Variants in PPM1H observed in about 807,000 individuals in gnomAD.
PPM1H encodes the protein protein phosphatase 1H.
PPM1H carries 27 observed loss-of-function variants against 54.9 expected under a neutral mutation model. That is an observed-to-expected ratio of 0.49 (90% CI 0.36 to 0.68). The LOEUF (loss-of-function observed/expected upper bound fraction) is 0.68. Ranked by LOEUF, PPM1H falls within the 30% of genes least tolerant of loss-of-function variation. The pLI, the probability that PPM1H is intolerant of heterozygous loss-of-function variation, is 0.00. For missense variants in PPM1H, 596 were observed against 667.8 expected, an observed-to-expected ratio of 0.89 and a Z score of 1.19; for synonymous variants, 305 against 270.8, an observed-to-expected ratio of 1.13 and a Z score of -1.24.
At chr12:62,737,995 T>C (rs2076359816) in intron 4 of PPM1H, among the ~76,000 whole-genome samples, 1 of 152,224 alleles carries the variant, frequency 6.6e-6, no homozygotes, top group African/African-American at 2.4e-5. Context: ...CAGTCCAATA[T>C]GGCAGGCACT....
At chr12:62,713,858 A>G (rs2076221323) in intron 6 of PPM1H, among the ~76,000 whole-genome samples, 1 of 151,936 alleles carries the variant, frequency 6.6e-6, no homozygotes, top group Admixed American at 6.6e-5. Flanking sequence ...AGTACCAGCT[A>G]CTCAAGAGGC....
intron 1 of PPM1H, among the ~76,000 whole-genome samples, chr12:62,884,540 G>GA (rs148196052): frequency 0.038 from 5,483 of 144,300 alleles, 304 homozygotes; most frequent in African/African-American, 0.12. Context: ...AGAGAGAAAA[G>GA]AAAAAAAAGA....
At chr12:62,654,731 C>A (rs2075835061) in intron 9 of PPM1H, among the ~76,000 whole-genome samples, 1 of 152,200 alleles carries the variant, frequency 6.6e-6, no homozygotes, top group Non-Finnish European at 1.5e-5. Flanking sequence ...CCGCTGCTAA[C>A]CATATGAGGT....
chr12:62,840,047 G>GAGAC (rs1348560570), intron 1 of PPM1H: 1 of 137,022 alleles, frequency 7.3e-6, no homozygotes, highest in Non-Finnish European at 1.5e-5. Flanking sequence ...CCTCTCTAGA[G>GAGAC]AGACAGAGAG....
chr12:62,775,552 CT>C (rs2076605251), intron 4 of PPM1H, among the ~76,000 whole-genome samples: 1 of 152,262 alleles, frequency 6.6e-6, no homozygotes, highest in South Asian at 2.1e-4. Flanking sequence ...TACAAAATTA[CT>C]TACGCCTTGG....
At position 62,648,335 on chromosome 12, in the gene PPM1H, A is replaced by G. The variant is rs1263111219; in HGVS notation, c.*154T>C. 8 of 903,186 alleles carry G rather than the reference A, an allele frequency of 8.9e-6. No homozygotes were observed. The highest frequency in any genetic ancestry group is 1.3e-5 in the Non-Finnish European group (8 of 605,614). 55.9% of individuals were successfully genotyped at this position (903,186 alleles called of 1,614,324 possible). A position where few individuals can be genotyped will look rare whatever the true frequency, so the allele number is the denominator to read the frequency against. ...AAGAAGAAATGGAAACCAAAGGGTC[A>G]TCTTGAAGCATAGTCTTTTGGCCAT... On this transcript the variant is annotated 3_prime_UTR_variant, in exon 10 of 10. Transcript: ENST00000228705.
chr12:62,766,594 C>T (rs1347260783), intron 4 of PPM1H, among the ~76,000 whole-genome samples: 2 of 152,062 alleles, frequency 1.3e-5, no homozygotes, highest in African/African-American at 4.8e-5. Context: ...GCTCTCAGTC[C>T]CCAGGCTTTT....
intron 6 of PPM1H, among the ~76,000 whole-genome samples, 163 bp downstream of exon 6, chr12:62,720,008 T>C (rs1254700980): frequency 6.6e-6 from 1 of 152,234 alleles, no homozygotes; most frequent in Non-Finnish European, 1.5e-5. Context: ...GATTTGGTCC[T>C]AAGCAAACAT....
chr12:62,912,108 C>A (rs1871478753), intron 1 of PPM1H, among the ~76,000 whole-genome samples: 1 of 152,112 alleles, frequency 6.6e-6, no homozygotes, highest in South Asian at 2.1e-4. Context: ...TACTCTTGAG[C>A]CTACAACGCA....
chr12:62,684,274 C>CCAGT (rs2076039834), intron 8 of PPM1H, among the ~76,000 whole-genome samples: 2 of 152,164 alleles, frequency 1.3e-5, no homozygotes, highest in African/African-American at 4.8e-5. Context: ...GTGAGGGCCT[C>CCAGT]TCTTGGAATT....
intron 2 of PPM1H, among the ~76,000 whole-genome samples, chr12:62,825,724 G>A (rs902162067): frequency 3.9e-5 from 6 of 152,070 alleles, no homozygotes; most frequent in Admixed American, 1.3e-4. Flanking sequence ...CACACACAGG[G>A]GCCTGTCGCG....
intron 1 of PPM1H, among the ~76,000 whole-genome samples, chr12:62,920,782 T>G (rs1212199918): frequency 1.3e-5 from 2 of 152,182 alleles, no homozygotes; most frequent in Admixed American, 1.3e-4. Context: ...CTCCATCTTT[T>G]ATTTTTACTG....
chr12:62,924,214 G>T (rs201970439), intron 1 of PPM1H, among the ~76,000 whole-genome samples: 39 of 143,600 alleles, frequency 2.7e-4, no homozygotes, highest in South Asian at 1.1e-3. Flanking sequence ...GGCCCAGAGT[G>T]GGGGGGGCAG....
At chr12:62,726,361 T>A (rs382710) in intron 5 of PPM1H, among the ~76,000 whole-genome samples, 30 of 152,284 alleles carry the variant, frequency 2.0e-4, no homozygotes, top group African/African-American at 7.2e-4. Context: ...TGTACAGTCA[T>A]CAAAATATTT....
chr12:62,860,486 G>A (rs991857603), intron 1 of PPM1H, among the ~76,000 whole-genome samples: 1 of 152,068 alleles, frequency 6.6e-6, no homozygotes, highest in African/African-American at 2.4e-5. Context: ...CAGGCACAAA[G>A]CTCTATGTCA....
intron 1 of PPM1H, among the ~76,000 whole-genome samples, chr12:62,913,566 C>A (rs772568): frequency 6.6e-6 from 1 of 151,994 alleles, no homozygotes; most frequent in Admixed American, 6.5e-5. Context: ...CCTGGGGAAG[C>A]CTTCCTACAG....
intron 9 of PPM1H, among the ~76,000 whole-genome samples, chr12:62,659,874 C>T (rs1038279446): frequency 6.6e-6 from 1 of 152,200 alleles, no homozygotes; most frequent in Non-Finnish European, 1.5e-5. Context: ...CTGGGGAGAA[C>T]TTTTCCCTTC....
intron 4 of PPM1H, among the ~76,000 whole-genome samples, chr12:62,779,929 ACTCCAGT>A (rs1212016647): frequency 1.3e-5 from 2 of 152,172 alleles, no homozygotes; most frequent in African/African-American, 4.8e-5. Context: ...TCTCTTCAGC[ACTCCAGT>A]CTCTCTTTTG....
At chr12:62,767,176 C>T (rs1053823398) in intron 4 of PPM1H, among the ~76,000 whole-genome samples, 4 of 152,072 alleles carry the variant, frequency 2.6e-5, no homozygotes, top group African/African-American at 4.8e-5. Context: ...GAGGGAAGTG[C>T]GGCTTGGGCT....
Sources: allele counts gnomAD v4.1 joint callset (sites outside exome capture counted in the v4.1 genomes callset), GRCh38; gene constraint gnomAD v4.1.1; transcripts MANE v1.5; gene names NCBI Gene and HGNC (gene_info 2026-07-23, HGNC 2026-07-21).